Variants in WNT6 observed in about 807,000 individuals in gnomAD.
The protein encoded by WNT6 is Wnt family member 6.
A neutral mutation model predicts 33.1 loss-of-function variants in WNT6; 27 were observed. The observed-to-expected ratio is 0.82, with a 90% CI of 0.60 to 1.12. The LOEUF is 1.12. Among genes scored for constraint, WNT6 ranks in the 50% most tolerant of loss-of-function variants. The pLI is 0.00. For missense variants in WNT6, 494 were observed against 535.3 expected, an observed-to-expected ratio of 0.92 and a Z score of 0.76; for synonymous variants, 249 against 242.8, an observed-to-expected ratio of 1.03 and a Z score of -0.24.
intron 3 of WNT6, among the ~76,000 whole-genome samples, chr2:218,872,320 C>G (rs1265223597): frequency 6.6e-6 from 1 of 152,112 alleles, no homozygotes. Flanking sequence ...TAGAACAGGT[C>G]TGAGGGGCAA....
chr2:218,865,790 G>T (rs1470520461), intron 1 of WNT6, among the ~76,000 whole-genome samples: 1 of 152,190 alleles, frequency 6.6e-6, no homozygotes, highest in Non-Finnish European at 1.5e-5. Flanking sequence ...CCGCAGCCCT[G>T]ACCAATAGGA....
intron 1 of WNT6, among the ~76,000 whole-genome samples, chr2:218,868,773 A>C (rs1047811155): frequency 9.2e-5 from 14 of 152,204 alleles, no homozygotes; most frequent in African/African-American, 3.4e-4. Flanking sequence ...CACAGAATTC[A>C]TACTATGCAA....
intron 1 of WNT6, among the ~76,000 whole-genome samples, chr2:218,861,032 G>T (rs1331027933): frequency 6.6e-6 from 1 of 152,208 alleles, no homozygotes; most frequent in Non-Finnish European, 1.5e-5. Context: ...GAGAGACTTG[G>T]ACAATAACGC....
chr2:218,871,948 G>A lies in WNT6; in HGVS notation c.636+129G>A. 4 of 802,528 alleles carry A rather than the reference G, an allele frequency of 5.0e-6. No homozygotes were observed. Among genetic ancestry groups the A allele is most frequent in the East Asian group, 3.4e-5 (1 of 29,374 alleles). 49.7% of individuals were successfully genotyped at this position (802,528 alleles called of 1,614,324 possible). The stretch of plus-strand genomic sequence containing the variant: ...GGGGCGTTAATGTGTGGGGGAGTGC[G>A]CACGGGCGGAAAGATGGGCTGCAAG... On this transcript the variant is annotated intron_variant, in intron 3 of 3. Coordinates refer to ENST00000233948, the MANE Select transcript of WNT6 (RefSeq NM_006522.4). This position sits in a 1 kb window ranked among gnomAD's most constrained non-coding sequence, Gnocchi z 6.4.
rs571730622 is a variant in WNT6 at position 218,867,239 on chromosome 2, A to G, written c.81-3788A>G. 6.6e-6 allele frequency among the ~76,000 whole-genome samples: 1 copy of G among 152,236 alleles called. No individual in the cohort carries two copies. Among genetic ancestry groups the G allele is most frequent in the Admixed American group, 6.5e-5 (1 of 15,280 alleles). On this transcript the variant is annotated intron_variant, in intron 1 of 3. Coordinates refer to ENST00000233948, the MANE Select transcript of WNT6 (RefSeq NM_006522.4). This position sits in a 1 kb window ranked among gnomAD's most constrained non-coding sequence, Gnocchi z 4.9. ...AAATATTCATCTACTGTGTCTTGCAATAGGGATCCCTCCACCAGTGGCCAG... is the reference window on the plus strand; with the variant it reads ...AAATATTCATCTACTGTGTCTTGCAGTAGGGATCCCTCCACCAGTGGCCAG...
Position 218,873,691 on chromosome 2 carries a change from C to T in WNT6, c.944C>T (p.Pro315Leu). The T allele has an allele frequency of 3.2e-6, 5 of 1,576,348 alleles. No homozygotes were observed. The highest frequency in any genetic ancestry group is 4.3e-6 in the Non-Finnish European group (5 of 1,168,098). The change falls in exon 4 of 4, where the codon CCG becomes CTG. Residue 315 changes from proline to leucine, a missense_variant. Transcript: ENST00000233948. The surrounding 1 kb of genome is among the most constrained non-coding windows in gnomAD (Gnocchi z 6.1). ...GGTCGCGCCTGCAATAGCAGCGCCC[C>T]GGACCTCAGCGGCTGCGACCTGCTG... ...TRGRACNSSA[P>L]DLSGCDLLCC... is the part of the protein sequence containing the mutation.
intron 1 of WNT6, among the ~76,000 whole-genome samples, chr2:218,861,929 T>C (rs917569924): frequency 6.6e-6 from 1 of 152,192 alleles, no homozygotes; most frequent in African/African-American, 2.4e-5. Context: ...AGATACCTTG[T>C]CTTTAGGAGC....
chr2:218,870,960 C>T, intron 1 of WNT6, 67 bp from the exon 2 acceptor site: 1 of 1,439,334 alleles, frequency 6.9e-7, no homozygotes, highest in Non-Finnish European at 9.4e-7. Flanking sequence ...TGGGGCTGGT[C>T]CTCCTCCCTT....
Position 218,863,948 on chromosome 2 carries a change from G to A in WNT6, c.80+3831G>A, listed in dbSNP as rs150117497. Among the ~76,000 whole-genome samples, 35 of 152,310 alleles carry A rather than the reference G, an allele frequency of 2.3e-4. 1 individual carries two copies. Among genetic ancestry groups the A allele is most frequent in the African/African-American group, 8.2e-4 (34 of 41,558 alleles). On this transcript the variant is annotated intron_variant, in intron 1 of 3. Coordinates refer to ENST00000233948, the MANE Select transcript of WNT6 (RefSeq NM_006522.4). ...TGAATTACAGAATCCCAGATTCAAG[G>A]ACATTGGCCAGGCTCTCTGGAAATC... is the stretch of plus-strand genomic sequence containing the variant.
rs1248652549 is a variant in WNT6 at position 218,867,125 on chromosome 2, A to G, written c.81-3902A>G. ...AGAGTTAATCAACCTTGCTAGGGGTACGGGGCTGTGTGGAGGATGGTGTGG... is the reference window on the plus strand; with the variant it reads ...AGAGTTAATCAACCTTGCTAGGGGTGCGGGGCTGTGTGGAGGATGGTGTGG... On this transcript the variant is annotated intron_variant, in intron 1 of 3. Transcript: ENST00000233948. This position sits in a 1 kb window ranked among gnomAD's most constrained non-coding sequence, Gnocchi z 4.9. Among the ~76,000 whole-genome samples the G allele has an allele frequency of 6.6e-6, 1 of 152,200 alleles. No individual in the cohort carries two copies.
At chr2:218,866,366 C>T (rs1381451814) in intron 1 of WNT6, among the ~76,000 whole-genome samples, 1 of 152,052 alleles carries the variant, frequency 6.6e-6, no homozygotes, top group East Asian at 1.9e-4. Context: ...GAGGAGGGTC[C>T]TAGAGGGTGC....
chr2:218,862,670 T>A (rs1435599052), intron 1 of WNT6, among the ~76,000 whole-genome samples: 3 of 146,742 alleles, frequency 2.0e-5, no homozygotes, highest in African/African-American at 7.6e-5. Flanking sequence ...GGCCCAGCCA[T>A]TACCATGGCA....
At chr2:218,865,769 A>G (rs60148299) in intron 1 of WNT6, among the ~76,000 whole-genome samples, 6,872 of 152,092 alleles carry the variant, frequency 0.045, 520 homozygotes, top group African/African-American at 0.15. Context: ...TCCTGGGGGC[A>G]CCTTTGCCTG....
At position 218,859,959 on chromosome 2, in the gene WNT6, GA is replaced by G; in HGVS notation, c.-77del. The G allele has an allele frequency of 8.5e-7, 1 of 1,181,488 alleles. No individual in the cohort carries two copies. The highest frequency in any genetic ancestry group is 1.1e-6 in the Non-Finnish European group (1 of 946,204). 73.2% of individuals were successfully genotyped at this position (1,181,488 alleles called of 1,614,324 possible). A position where few individuals can be genotyped will look rare whatever the true frequency, so the allele number is the denominator to read the frequency against. ...CCGTTGCGCTCGCCGCGCTCGCACT[GA>G]AGCCCGGGCCCTCGCGCGCCGCGGT... is the stretch of plus-strand genomic sequence containing the variant. On this transcript the variant is annotated 5_prime_UTR_variant, in exon 1 of 4. Transcript: ENST00000233948.
At position 218,873,688 on chromosome 2, in the gene WNT6, C is replaced by A. The variant is rs1429223480; in HGVS notation, c.941C>A (p.Ala314Asp). Residue 314 changes from alanine to aspartate, a missense_variant, in exon 4 of 4, where the codon GCC (alanine) becomes GAC (aspartate). Coordinates refer to ENST00000233948, the MANE Select transcript of WNT6 (RefSeq NM_006522.4). This position sits in a 1 kb window ranked among gnomAD's most constrained non-coding sequence, Gnocchi z 6.1. ...GTRGRACNSS[A>D]PDLSGCDLLC... is the part of the protein sequence containing the mutation. The stretch of plus-strand genomic sequence containing the variant: ...CGCGGTCGCGCCTGCAATAGCAGCG[C>A]CCCGGACCTCAGCGGCTGCGACCTG... 2 of 1,578,742 alleles carry A rather than the reference C, an allele frequency of 1.3e-6. No individual in the cohort carries two copies. Among genetic ancestry groups the A allele is most frequent in the South Asian group, 2.3e-5 (2 of 88,076 alleles).
intron 1 of WNT6, among the ~76,000 whole-genome samples, chr2:218,861,708 C>G (rs982462642): frequency 9.9e-5 from 15 of 152,096 alleles, no homozygotes; most frequent in Admixed American, 5.9e-4. Flanking sequence ...TCCCTGATGG[C>G]CATTGTCTTC....
Position 218,873,295 on chromosome 2 carries a change from C to T in WNT6, c.637-89C>T, listed in dbSNP as rs185881164. 4 of 1,286,466 alleles carry T rather than the reference C, an allele frequency of 3.1e-6. No homozygotes were observed. In the East Asian group the frequency reaches 7.8e-5, roughly 25 times the overall value. 79.7% of individuals were successfully genotyped at this position (1,286,466 alleles called of 1,614,324 possible). ...ATTTTCCTCTCTTCCTTTCACCTCC[C>T]ATTCCCAATCTTATTTTCTGTCCAT... On this transcript the variant is annotated intron_variant, in intron 3 of 3. Coordinates refer to ENST00000233948, the MANE Select transcript of WNT6 (RefSeq NM_006522.4). This position sits in a 1 kb window ranked among gnomAD's most constrained non-coding sequence, Gnocchi z 6.1.
At chr2:218,868,209 C>T (rs1944368285) in intron 1 of WNT6, among the ~76,000 whole-genome samples, 1 of 152,098 alleles carries the variant, frequency 6.6e-6, no homozygotes, top group African/African-American at 2.4e-5. Flanking sequence ...CTGGGGCAGT[C>T]CCCCAGCCCC....
intron 1 of WNT6, among the ~76,000 whole-genome samples, chr2:218,870,224 TAAA>T (rs139408257): frequency 1.8e-4 from 24 of 132,934 alleles, no homozygotes; most frequent in African/African-American, 3.0e-4. Context: ...CCATCTCAAT[TAAA>T]AAAAAAAAAA....
Sources: gnomAD v4.1 joint callset for allele counts (sites outside exome capture counted in the v4.1 genomes callset) on GRCh38, gnomAD v4.1.1 for gene constraint, Gnocchi (gnomAD v3.1) non-coding constraint, MANE v1.5 for transcripts, NCBI Gene and HGNC (gene_info 2026-07-23, HGNC 2026-07-21) for gene names.